CDH13: variants seen among roughly 807,000 people sequenced by gnomAD.
CDH13 encodes the protein cadherin-13.
CDH13 carries 24 observed loss-of-function variants against 63.8 expected under a neutral mutation model. That is an observed-to-expected ratio of 0.38 (90% CI 0.27 to 0.53). The LOEUF is 0.53. CDH13 is among the 20% of genes least tolerant of loss of function. The probability of loss-of-function intolerance (pLI) is 0.85; values close to 1 mark genes in which losing one functional copy is unlikely to be tolerated. For synonymous variants in CDH13, 503 were observed against 355.3 expected, an observed-to-expected ratio of 1.42 and a Z score of -4.67; for missense variants, 1,049 against 903.1, an observed-to-expected ratio of 1.16 and a Z score of -2.07.
At chr16:83,212,957 T>G (rs2039382077) in intron 4 of CDH13, among the ~76,000 whole-genome samples, 2 of 152,230 alleles carry the variant, frequency 1.3e-5, no homozygotes, top group African/African-American at 4.8e-5. Context: ...TTCCCTGTGC[T>G]GGTGGTCCCA....
intron 6 of CDH13, among the ~76,000 whole-genome samples, chr16:83,346,938 A>G (rs984196367): frequency 2.6e-5 from 4 of 152,214 alleles, no homozygotes; most frequent in Non-Finnish European, 5.9e-5. Context: ...AAAAATACAT[A>G]AAGACTCAGG....
rs529580695 is a variant in CDH13 at position 83,620,302 on chromosome 16, A to T, written c.1101+17708A>T. 2.0e-5 allele frequency among the ~76,000 whole-genome samples: 3 copies of T among 150,876 alleles called. No individual in the cohort carries two copies. The South Asian group carries it at 6.3e-4, about 32-fold the overall frequency. ...GCTACTTGGGAGGCTGAGGCAGGAG[A>T]ATTGTTTGAACCCAGGAGGCGGAGG... On this transcript the variant is annotated intron_variant, in intron 8 of 13. Transcript: ENST00000567109.
intron 7 of CDH13, among the ~76,000 whole-genome samples, chr16:83,561,571 A>G (rs1346999160): frequency 1.3e-5 from 2 of 152,200 alleles, no homozygotes; most frequent in Non-Finnish European, 2.9e-5. Flanking sequence ...TTTATTGAGT[A>G]TTTACTAGGC....
At chr16:83,517,694 G>C (rs1432410491) in intron 7 of CDH13, among the ~76,000 whole-genome samples, 1 of 152,188 alleles carries the variant, frequency 6.6e-6, no homozygotes, top group Non-Finnish European at 1.5e-5. Context: ...TGGTTGACAA[G>C]CTTAAAAATG....
At chr16:83,394,424 G>A (rs2091846153) in intron 6 of CDH13, among the ~76,000 whole-genome samples, 1 of 152,114 alleles carries the variant, frequency 6.6e-6, no homozygotes, top group East Asian at 1.9e-4. Context: ...GCCAGACAGA[G>A]GCAACAGCAC....
At chr16:83,359,012 G>A (rs138152639) in intron 6 of CDH13, among the ~76,000 whole-genome samples, 4 of 152,212 alleles carry the variant, frequency 2.6e-5, no homozygotes, top group African/African-American at 4.8e-5. Context: ...TGCTGGCTTC[G>A]TGTCCACATT....
At chr16:83,656,494 T>C (rs528815844) in intron 8 of CDH13, among the ~76,000 whole-genome samples, 2 of 151,936 alleles carry the variant, frequency 1.3e-5, no homozygotes, top group African/African-American at 2.4e-5. Flanking sequence ...GATTCCTCAG[T>C]AGAGAGGCAG....
At chr16:82,637,253 G>A (rs1204482376) in intron 1 of CDH13, among the ~76,000 whole-genome samples, 1 of 152,160 alleles carries the variant, frequency 6.6e-6, no homozygotes, top group Non-Finnish European at 1.5e-5. Flanking sequence ...TGTTTTTGCA[G>A]TAAGAAAGAT....
chr16:83,730,941 C>G (rs981368168), intron 10 of CDH13, among the ~76,000 whole-genome samples: 6 of 152,186 alleles, frequency 3.9e-5, no homozygotes, highest in African/African-American at 1.4e-4. Flanking sequence ...TGTGCTAATT[C>G]GCTTAGGTTA....
intron 10 of CDH13, among the ~76,000 whole-genome samples, chr16:83,680,416 G>A (rs536011188): frequency 2.6e-5 from 4 of 152,290 alleles, no homozygotes; most frequent in African/African-American, 9.6e-5. Context: ...GCTTACTGCT[G>A]GGAGTATGGA....
At chr16:83,571,329 A>G (rs913715624) in intron 7 of CDH13, among the ~76,000 whole-genome samples, 1 of 152,166 alleles carries the variant, frequency 6.6e-6, no homozygotes, top group African/African-American at 2.4e-5. Flanking sequence ...AATACAATTG[A>G]CAGTTGCATC....
chr16:83,732,546 A>T (rs770116512), intron 10 of CDH13, among the ~76,000 whole-genome samples: 1 of 152,180 alleles, frequency 6.6e-6, no homozygotes, highest in Non-Finnish European at 1.5e-5. Flanking sequence ...GGACCCGGAA[A>T]CTGTAGTAGG....
At chr16:83,518,492 A>T (rs1412697679) in intron 7 of CDH13, among the ~76,000 whole-genome samples, 1 of 125,634 alleles carries the variant, frequency 8.0e-6, no homozygotes, top group Admixed American at 8.4e-5. Flanking sequence ...TTTTTTTTTG[A>T]GACGGAGTCT....
intron 3 of CDH13, among the ~76,000 whole-genome samples, chr16:83,049,168 C>A (rs1447721833): frequency 1.3e-5 from 2 of 151,978 alleles, no homozygotes; most frequent in Non-Finnish European, 2.9e-5. Flanking sequence ...GCAACCACTA[C>A]CTTTATCTAG....
rs767772468 is a variant in CDH13 at position 83,125,446 on chromosome 16, C to T, written c.428C>T (p.Ser143Phe). 10 of 1,612,470 alleles carry T rather than the reference C, an allele frequency of 6.2e-6. No homozygotes were observed. The highest frequency in any genetic ancestry group is 7.6e-6 in the Non-Finnish European group (9 of 1,178,546). The change falls in exon 4 of 14, where the codon TCT (serine) becomes TTT (phenylalanine). Residue 143 changes from serine to phenylalanine, a missense_variant. By Grantham distance (155) the Ser-to-Phe change is radical (BLOSUM62 -2). Coordinates refer to ENST00000567109, the MANE Select transcript of CDH13 (RefSeq NM_001257.5). ...AGACAAAAGAGGTCCATTGTGGTAT[C>T]TCCCATTTTAATTCCAGAGAATCAG... ...VPRQKRSIVV[S>F]PILIPENQRQ...
chr16:82,987,081 A>C (rs188794621), intron 2 of CDH13, among the ~76,000 whole-genome samples: 55 of 152,296 alleles, frequency 3.6e-4, no homozygotes, highest in African/African-American at 1.1e-3. Context: ...GGAAATGTTT[A>C]TGGAGAGGAC....
At position 83,030,867 on chromosome 16, in the gene CDH13, C is replaced by T. The variant is rs576292142; in HGVS notation, c.158-1143C>T. ...CCACCCTTCCCTTCTAGATCCCCAC[C>T]ATTCTAGATTCCCACCATCCCTGCC... On this transcript the variant is annotated intron_variant, in intron 2 of 13. Coordinates refer to ENST00000567109, the MANE Select transcript of CDH13 (RefSeq NM_001257.5). 4.7e-4 allele frequency among the ~76,000 whole-genome samples: 72 copies of T among 151,998 alleles called. 1 individual carries two copies. Among genetic ancestry groups the T allele is most frequent in the Non-Finnish European group, 1.5e-5 (1 of 67,984 alleles).
chr16:82,986,121 G>T (rs1301137117), intron 2 of CDH13, among the ~76,000 whole-genome samples: 2 of 152,178 alleles, frequency 1.3e-5, no homozygotes, highest in East Asian at 1.9e-4. Flanking sequence ...TACACTTATT[G>T]TAGAGATGTT....
At chr16:82,864,019 A>C (rs1341669906) in intron 2 of CDH13, among the ~76,000 whole-genome samples, 1 of 152,252 alleles carries the variant, frequency 6.6e-6, no homozygotes. Context: ...AAATAAACAT[A>C]AAAGAAGTAA....
Sources: gnomAD v4.1 joint callset for allele counts (sites outside exome capture counted in the v4.1 genomes callset) on GRCh38, gnomAD v4.1.1 for gene constraint, MANE v1.5 for transcripts, NCBI Gene and HGNC (gene_info 2026-07-23, HGNC 2026-07-21) for gene names.